Variants in PPP1R26 observed in about 807,000 individuals in gnomAD.
PPP1R26 encodes 1A6/DRIM (down-regulated in metastasis) interacting protein.
In PPP1R26, 22 loss-of-function variants were observed where a neutral mutation model predicts 67.6. The observed-to-expected ratio is 0.33, with a 90% CI of 0.23 to 0.46. The LOEUF (loss-of-function observed/expected upper bound fraction) is 0.46, where lower values mean the gene tolerates loss of function less well. Among genes scored for constraint, PPP1R26 ranks in the 20% least tolerant of loss-of-function variants. The pLI is 1.00. For synonymous variants in PPP1R26, 729 were observed against 717.2 expected, an observed-to-expected ratio of 1.02 and a Z score of -0.26; for missense variants, 1,602 against 1,651.4, an observed-to-expected ratio of 0.97 and a Z score of 0.52.
rs1830779458 is a variant in PPP1R26, at chr9:135,487,288, G to A, written c.2778G>A (p.Gly926=). ...GTCTGTTCAGCCAGGGCGGGAAGGG[G>A]CTCCCTGCTGCTCCTGCCCGAGGGG... is the stretch of plus-strand genomic sequence containing the variant. ...TAGLFSQGGK[G]LPAAPARGDP... The change falls in exon 4 of 4, where the codon GGG becomes GGA. Residue 926 remains glycine (G), a synonymous_variant. Coordinates refer to ENST00000356818, the MANE Select transcript of PPP1R26 (RefSeq NM_014811.5). 1 of 1,553,848 alleles carries A rather than the reference G, an allele frequency of 6.4e-7. No homozygotes were observed. Among genetic ancestry groups the A allele is most frequent in the East Asian group, 2.3e-5 (1 of 44,396 alleles).
Position 135,486,425 on chromosome 9 carries a change from A to C in PPP1R26, c.1915A>C (p.Ile639Leu), listed in dbSNP as rs763392588. Residue 639 changes from isoleucine (I) to leucine (L), a missense_variant, in exon 4 of 4, where the codon ATC becomes CTC. Transcript: ENST00000356818. The surrounding 1 kb of genome is among the most constrained non-coding windows in gnomAD (Gnocchi z 6.2). Reference protein sequence around the residue: ...EPGHERRDLPIQGKASEALGG... With the variant: ...EPGHERRDLPLQGKASEALGG... Reference sequence around the variant, plus strand: ...CGGCCATGAGAGGCGAGACCTGCCCATCCAGGGCAAAGCCAGTGAGGCCCT... The same window carrying C: ...CGGCCATGAGAGGCGAGACCTGCCCCTCCAGGGCAAAGCCAGTGAGGCCCT... 1 of 1,613,118 alleles carries C rather than the reference A, an allele frequency of 6.2e-7. No homozygotes were observed. The highest frequency in any genetic ancestry group is 1.1e-5 in the South Asian group (1 of 91,072).
rs548509813 is a variant in PPP1R26, at chr9:135,487,119, G to A, written c.2609G>A (p.Gly870Asp). 8 of 1,609,554 alleles carry A rather than the reference G, an allele frequency of 5.0e-6. No individual in the cohort carries two copies. The highest frequency in any genetic ancestry group is 4.4e-5 in the South Asian group (4 of 90,968). The change falls in exon 4 of 4, where the codon GGC (glycine) becomes GAC (aspartate). Residue 870 changes from glycine to aspartate, a missense_variant. Gly to Asp is a moderately conservative substitution (Grantham distance 94, BLOSUM62 -1). Coordinates refer to ENST00000356818, the MANE Select transcript of PPP1R26 (RefSeq NM_014811.5). The part of the protein sequence containing the change: ...AEGPTALGTG[G>D]PARPEVLCRK... ...GGCCCCACCGCTCTTGGGACAGGGG[G>A]CCCAGCCAGGCCAGAGGTGCTGTGC...
chr9:135,488,361 A>G lies in PPP1R26; in HGVS notation c.*221A>G. On this transcript the variant is annotated 3_prime_UTR_variant, in exon 4 of 4. Transcript: ENST00000356818. ...TAAATTATTTAAAGTGATGTAAAAG[A>G]TATTTTTGGAAAATACTGTTGTTCA... 2.2e-6 allele frequency: 2 copies of G among 896,924 alleles called. No individual in the cohort carries two copies. Among genetic ancestry groups the G allele is most frequent in the Non-Finnish European group, 3.0e-6 (2 of 674,606 alleles). The allele number at this position is 896,924 out of a possible 1,614,324, so 55.6% of individuals were successfully genotyped here.
Position 135,486,527 on chromosome 9 carries a change from C to A in PPP1R26, c.2017C>A (p.Arg673Ser), listed in dbSNP as rs374786291. 1.2e-6 allele frequency: 2 copies of A among 1,612,424 alleles called. No homozygotes were observed. The highest frequency in any genetic ancestry group is 2.7e-5 in the African/African-American group (2 of 74,986). ...CCAGGGTAAGACAGACGAGGCAAGG[C>A]GCCTAGACGAGAAAGAGAGCTCTGA... ...QGQGKTDEAR[R>S]LDEKESSEDK... is the part of the protein sequence containing the mutation. Residue 673 changes from arginine to serine, a missense_variant, in exon 4 of 4, where the codon CGC (arginine) becomes AGC (serine). This residue lies in a region of PPP1R26 where 680 missense variants were observed against 726.1 expected (regional missense o/e 0.94). Coordinates refer to ENST00000356818, the MANE Select transcript of PPP1R26 (RefSeq NM_014811.5). The surrounding 1 kb of genome is among the most constrained non-coding windows in gnomAD (Gnocchi z 6.2).
chr9:135,485,193 C>A lies in PPP1R26; in HGVS notation c.683C>A (p.Ala228Glu). 2 of 1,612,808 alleles carry A rather than the reference C, an allele frequency of 1.2e-6. No homozygotes were observed. Among genetic ancestry groups the A allele is most frequent in the Non-Finnish European group, 1.7e-6 (2 of 1,179,868 alleles). ...SDDSFEQSIR[A>E]EIEQFLNEKR... is the part of the protein sequence containing the mutation. ...GACTCCTTCGAGCAGAGCATCAGGG[C>A]GGAAATAGAACAGTTTCTGAATGAG... is the stretch of plus-strand genomic sequence containing the variant. The change falls in exon 4 of 4, where the codon GCG (alanine) becomes GAG (glutamate). Residue 228 changes from alanine (A) to glutamate (E), a missense_variant. Ala to Glu is a moderately radical substitution (Grantham distance 107). Coordinates refer to ENST00000356818, the MANE Select transcript of PPP1R26 (RefSeq NM_014811.5). The surrounding 1 kb of genome is among the most constrained non-coding windows in gnomAD (Gnocchi z 7.2).
chr9:135,487,317 C>T lies in PPP1R26; in HGVS notation c.2807C>T (p.Pro936Leu), dbSNP rs755533401. The change falls in exon 4 of 4, where the codon CCG becomes CTG. Residue 936 changes from proline (P) to leucine (L), a missense_variant. This residue lies in a region of PPP1R26 where 740 missense variants were observed against 696.3 expected (regional missense o/e 1.06). Transcript: ENST00000356818. ...CCTGCTGCTCCTGCCCGAGGGGATC[C>T]GGTGCCGCCCAGGAGCACCAGCGGC... ...GLPAAPARGD[P>L]VPPRSTSGGV... is the part of the protein sequence containing the mutation. 1.6e-5 allele frequency: 25 copies of T among 1,555,336 alleles called. No homozygotes were observed. The highest frequency in any genetic ancestry group is 1.6e-4 in the East Asian group (7 of 44,434).
Position 135,485,673 on chromosome 9 carries a change from T to G in PPP1R26, c.1163T>G (p.Leu388Arg), listed in dbSNP as rs1018965002. The G allele has an allele frequency of 1.9e-6, 3 of 1,611,542 alleles. No individual in the cohort carries two copies. The highest frequency in any genetic ancestry group is 2.5e-6 in the Non-Finnish European group (3 of 1,180,018). Residue 388 changes from leucine to arginine, a missense_variant, in exon 4 of 4, where the codon CTG (leucine) becomes CGG (arginine). Physicochemically the swap from Leu to Arg is moderately radical, Grantham distance 102. Coordinates refer to ENST00000356818, the MANE Select transcript of PPP1R26 (RefSeq NM_014811.5). The surrounding 1 kb of genome is among the most constrained non-coding windows in gnomAD (Gnocchi z 7.2). ...ACACGCAAGGAGGCCGACGGGGACCTGCCCCAGAGGGTCCAACTCCGAGAG... is the reference window on the plus strand; with the variant it reads ...ACACGCAAGGAGGCCGACGGGGACCGGCCCCAGAGGGTCCAACTCCGAGAG... ...QKTRKEADGDLPQRVQLREER... is the reference protein window; with the variant it reads ...QKTRKEADGDRPQRVQLREER...
chr9:135,488,090 A>G lies in PPP1R26; in HGVS notation c.3580A>G (p.Ser1194Gly), dbSNP rs1212008095. ...DALGSDASDFSDTSTEDSGGS... is the reference protein window; with the variant it reads ...DALGSDASDFGDTSTEDSGGS... ...CTTGGGCAGTGACGCCAGTGACTTC[A>G]GCGACACCTCCACGGAGGACAGTGG... The change falls in exon 4 of 4, where the codon AGC (serine) becomes GGC (glycine). Residue 1194 changes from serine to glycine, a missense_variant. Coordinates refer to ENST00000356818, the MANE Select transcript of PPP1R26 (RefSeq NM_014811.5). 6 of 1,566,640 alleles carry G rather than the reference A, an allele frequency of 3.8e-6. No individual in the cohort carries two copies. The highest frequency in any genetic ancestry group is 2.4e-5 in the South Asian group (2 of 82,610).
At position 135,487,127 on chromosome 9, in the gene PPP1R26, A is replaced by C; in HGVS notation, c.2617A>C (p.Arg873=). The part of the protein sequence containing the change: ...PTALGTGGPA[R]PEVLCRKEPA... ...CGCTCTTGGGACAGGGGGCCCAGCC[A>C]GGCCAGAGGTGCTGTGCAGGAAGGA... Residue 873 remains arginine (R), a synonymous_variant, in exon 4 of 4, where the codon AGG becomes CGG. Coordinates refer to ENST00000356818, the MANE Select transcript of PPP1R26 (RefSeq NM_014811.5). The C allele has an allele frequency of 6.2e-7, 1 of 1,609,716 alleles. No homozygotes were observed. The highest frequency in any genetic ancestry group is 8.5e-7 in the Non-Finnish European group (1 of 1,178,260).
Position 135,485,450 on chromosome 9 carries a change from G to T in PPP1R26, c.940G>T (p.Glu314Ter). ...CAGGTCCAAGGTCACAACCACGCAGGAGAACGAGGGCAGCACGAAGCCGGC... is the reference window on the plus strand; with the variant it reads ...CAGGTCCAAGGTCACAACCACGCAGTAGAACGAGGGCAGCACGAAGCCGGC... The part of the protein sequence containing the change: ...SLRSKVTTTQ[E>*]NEGSTKPATP... The change falls in exon 4 of 4, where the codon GAG becomes TAG. Residue 314 changes from glutamate (E) to a stop codon, truncating the protein, a stop_gained. Coordinates refer to ENST00000356818, the MANE Select transcript of PPP1R26 (RefSeq NM_014811.5). LOFTEE classifies it high-confidence loss of function. The surrounding 1 kb of genome is among the most constrained non-coding windows in gnomAD (Gnocchi z 7.2). 6.2e-7 allele frequency: 1 copy of T among 1,613,000 alleles called. No individual in the cohort carries two copies. Among genetic ancestry groups the T allele is most frequent in the Non-Finnish European group, 8.5e-7 (1 of 1,179,976 alleles).
In PPP1R26 at chr9:135,488,268, A is replaced by G; in HGVS notation, c.*128A>G. On this transcript the variant is annotated 3_prime_UTR_variant, in exon 4 of 4. Transcript: ENST00000356818. ...GTCTATTATACATAGCCCTGTATAT[A>G]TGTACACCAACATGAAACTTTTATT... The G allele has an allele frequency of 9.6e-6, 12 of 1,248,598 alleles. No individual in the cohort carries two copies. The highest frequency in any genetic ancestry group is 1.2e-5 in the Non-Finnish European group (12 of 981,444). 77.3% of individuals were successfully genotyped at this position (1,248,598 alleles called of 1,614,324 possible).
chr9:135,485,102 C>T lies in PPP1R26; in HGVS notation c.592C>T (p.Pro198Ser), dbSNP rs141801303. 10 of 1,612,496 alleles carry T rather than the reference C, an allele frequency of 6.2e-6. No homozygotes were observed. Among genetic ancestry groups the T allele is most frequent in the Non-Finnish European group, 8.5e-6 (10 of 1,179,746 alleles). Reference sequence around the variant, plus strand: ...ACTTGTACCTGGATCAGGTGGTGGCCCCGGCAGCCAGGTGGGATCCAGCAA... The same window carrying T: ...ACTTGTACCTGGATCAGGTGGTGGCTCCGGCAGCCAGGTGGGATCCAGCAA... ...PKLVPGSGGG[P>S]GSQVGSSKDQ... The change falls in exon 4 of 4, where the codon CCC becomes TCC. Residue 198 changes from proline (P) to serine (S), a missense_variant. Physicochemically the swap from Pro to Ser is moderately conservative, Grantham distance 74 (BLOSUM62 -1). This residue lies in a region of PPP1R26 where 680 missense variants were observed against 726.1 expected (regional missense o/e 0.94). Transcript: ENST00000356818. This position sits in a 1 kb window ranked among gnomAD's most constrained non-coding sequence, Gnocchi z 7.2.
At position 135,484,019 on chromosome 9, in the gene PPP1R26, T is replaced by C. The variant is rs943042232; in HGVS notation, c.-126T>C. The C allele has an allele frequency of 5.5e-5, 22 of 401,970 alleles. No individual in the cohort carries two copies. The highest frequency in any genetic ancestry group is 4.3e-4 in the African/African-American group (21 of 48,648). 24.9% of individuals were successfully genotyped at this position (401,970 alleles called of 1,614,324 possible). On this transcript the variant is annotated 5_prime_UTR_variant, in exon 3 of 4. Transcript: ENST00000356818. ...GCTGATCCTGGGTTTCTAGTCATCCTTTTTAAGCTGCAAAGAAGCATTTGC... is the reference window on the plus strand; with the variant it reads ...GCTGATCCTGGGTTTCTAGTCATCCCTTTTAAGCTGCAAAGAAGCATTTGC...
At chr9:135,480,973 C>T (rs1203599046) in intron 1 of PPP1R26, among the ~76,000 whole-genome samples, 1 of 152,138 alleles carries the variant, frequency 6.6e-6, no homozygotes, top group East Asian at 1.9e-4. Context: ...GGGCGTTTCT[C>T]ACAGGTGGGC....
At chr9:135,484,193 G>A (rs56294949) in intron 3 of PPP1R26, 111 bp downstream of exon 3, 686 of 475,570 alleles carry the variant, frequency 1.4e-3, no homozygotes, top group African/African-American at 0.012. Context: ...GAGGGTGGTT[G>A]GAAACATTTT....
rs562336070 is a variant in PPP1R26 at position 135,486,489 on chromosome 9, G to C, written c.1979G>C (p.Arg660Pro). The C allele has an allele frequency of 2.4e-5, 38 of 1,612,750 alleles. No individual in the cohort carries two copies. The Middle Eastern group carries it at 5.1e-4, about 22-fold the overall frequency. Reference protein sequence around the residue: ...EGTARGPGDTRMSQGQGKTDE... With the variant: ...EGTARGPGDTPMSQGQGKTDE... Reference sequence around the variant, plus strand: ...ACCGCCAGGGGCCCTGGCGACACTCGCATGTCACAGGGCCAGGGTAAGACA... The same window carrying C: ...ACCGCCAGGGGCCCTGGCGACACTCCCATGTCACAGGGCCAGGGTAAGACA... The change falls in exon 4 of 4, where the codon CGC (arginine) becomes CCC (proline). Residue 660 changes from arginine to proline, a missense_variant. Transcript: ENST00000356818. The surrounding 1 kb of genome is among the most constrained non-coding windows in gnomAD (Gnocchi z 6.2).
chr9:135,486,782 A>C lies in PPP1R26; in HGVS notation c.2272A>C (p.Lys758Gln), dbSNP rs202048500. The C allele has an allele frequency of 6.3e-7, 1 of 1,591,392 alleles. No individual in the cohort carries two copies. The highest frequency in any genetic ancestry group is 1.3e-5 in the African/African-American group (1 of 74,692). The stretch of plus-strand genomic sequence containing the variant: ...GCTGAAGAGCTGCCTCTCCAAGTCC[A>C]AGAGAGACAGTGGCGAGGGTCCTGG... The part of the protein sequence containing the change: ...PVLKSCLSKS[K>Q]RDSGEGPGKK... Residue 758 changes from lysine to glutamine, a missense_variant, in exon 4 of 4, where the codon AAG becomes CAG. By Grantham distance (53) the Lys-to-Gln change is moderately conservative. Coordinates refer to ENST00000356818, the MANE Select transcript of PPP1R26 (RefSeq NM_014811.5). This position sits in a 1 kb window ranked among gnomAD's most constrained non-coding sequence, Gnocchi z 6.2.
At chr9:135,479,746 GCT>G (rs931975548), upstream of PPP1R26, 1 of 144,896 alleles carries the variant, frequency 6.9e-6, no homozygotes, top group Non-Finnish European at 1.5e-5. The surrounding 1 kb of genome is among the most constrained non-coding windows in gnomAD (Gnocchi z 5.9). Context: ...GGAGGGGGCG[GCT>G]TGGGGGGGTC....
rs1830804547 is a variant in PPP1R26 at position 135,487,732 on chromosome 9, C to G, written c.3222C>G (p.Pro1074=). 3 of 1,457,110 alleles carry G rather than the reference C, an allele frequency of 2.1e-6. No individual in the cohort carries two copies. 90.3% of individuals were successfully genotyped at this position (1,457,110 alleles called of 1,614,324 possible). A position where few individuals can be genotyped will look rare whatever the true frequency, so the allele number is the denominator to read the frequency against. The part of the protein sequence containing the change: ...EGPARGLPSL[P]LAGFSPLLST... Reference sequence around the variant, plus strand: ...CCGCCCGGGGCCTGCCCAGCCTGCCCCTTGCGGGCTTCTCGCCGCTGCTGT... The same window carrying G: ...CCGCCCGGGGCCTGCCCAGCCTGCCGCTTGCGGGCTTCTCGCCGCTGCTGT... The change falls in exon 4 of 4, where the codon CCC becomes CCG. Residue 1074 remains proline, a synonymous_variant. Coordinates refer to ENST00000356818, the MANE Select transcript of PPP1R26 (RefSeq NM_014811.5).
Sources: allele counts gnomAD v4.1 joint callset (sites outside exome capture counted in the v4.1 genomes callset), GRCh38; gene constraint gnomAD v4.1.1; regional missense constraint gnomAD v4.1.1; non-coding constraint Gnocchi (gnomAD v3.1); transcripts MANE v1.5; gene names NCBI Gene and HGNC (gene_info 2026-07-23, HGNC 2026-07-21).